The following SCRN1 variants were observed in gnomAD, a reference collection of about 807,000 sequenced individuals.
SCRN1 encodes the protein secernin-1.
SCRN1 carries 19 observed loss-of-function variants against 43.3 expected under a neutral mutation model. That is an observed-to-expected ratio of 0.44 (90% CI 0.31 to 0.64). The LOEUF (loss-of-function observed/expected upper bound fraction) is 0.64. SCRN1 is among the 30% of genes least tolerant of loss of function. The pLI is 0.09. For missense variants in SCRN1, 447 were observed against 524.1 expected, an observed-to-expected ratio of 0.85 and a Z score of 1.44; for synonymous variants, 183 against 188.9, an observed-to-expected ratio of 0.97 and a Z score of 0.26.
At chr7:29,959,286 C>T (rs529337455) in intron 2 of SCRN1, among the ~76,000 whole-genome samples, 41 of 152,242 alleles carry the variant, frequency 2.7e-4, no homozygotes, top group Admixed American at 2.0e-3. Context: ...AAACTTCTTA[C>T]GGTGGGAGAA....
At position 29,921,330 on chromosome 7, in the gene SCRN1, T is replaced by C. The variant is rs1786749666; in HGVS notation, c.*2627A>G. 1 of 152,408 alleles carries C rather than the reference T, an allele frequency of 6.6e-6. No individual in the cohort carries two copies. The highest frequency in any genetic ancestry group is 2.1e-4 in the South Asian group (1 of 4,836). 9.4% of individuals were successfully genotyped at this position (152,408 alleles called of 1,614,324 possible). Reference sequence around the variant, plus strand: ...AAAGCAATCCCTGGTCCACAAATTATTCATGTAACAAGCATTTTTCAAAAG... The same window carrying C: ...AAAGCAATCCCTGGTCCACAAATTACTCATGTAACAAGCATTTTTCAAAAG... On this transcript the variant is annotated 3_prime_UTR_variant, in exon 8 of 8. Transcript: ENST00000242059.
intron 1 of SCRN1, among the ~76,000 whole-genome samples, chr7:29,983,588 C>T (rs1449304868): frequency 6.6e-6 from 1 of 152,086 alleles, no homozygotes; most frequent in African/African-American, 2.4e-5. Flanking sequence ...GTCAATATGA[C>T]AGCTATCAAC....
Position 29,951,909 on chromosome 7 carries a change from A to T in SCRN1, c.341+3270T>A, listed in dbSNP as rs75937750. Among the ~76,000 whole-genome samples, 694 of 152,360 alleles carry T rather than the reference A, an allele frequency of 4.6e-3. 4 individuals carry two copies. The highest frequency in any genetic ancestry group is 0.016 in the African/African-American group (656 of 41,582). ...GAAAGTGCAAAGTACCAGGATAAGT[A>T]TAGGGGCAACTACTGTATTCATTGA... On this transcript the variant is annotated intron_variant, in intron 3 of 7. Transcript: ENST00000242059.
intron 4 of SCRN1, among the ~76,000 whole-genome samples, chr7:29,943,645 C>A (rs564222287): frequency 6.6e-6 from 1 of 152,140 alleles, no homozygotes; most frequent in Non-Finnish European, 1.5e-5. Context: ...ACTTGTTGAC[C>A]TATTACACAA....
Position 29,920,742 on chromosome 7 carries a change from C to G in SCRN1, c.*3215G>C, listed in dbSNP as rs572237095. 3 of 152,164 alleles carry G rather than the reference C, an allele frequency of 2.0e-5. No homozygotes were observed. The highest frequency in any genetic ancestry group is 4.4e-5 in the Non-Finnish European group (3 of 68,038). The allele number at this position is 152,164 out of a possible 1,614,324, so 9.4% of individuals were successfully genotyped here. On this transcript the variant is annotated 3_prime_UTR_variant, in exon 8 of 8. Transcript: ENST00000242059. ...ACCCAGTACTGAATAACACCTGTAC[C>G]AATGTGGGATGACATCAGCTAGGAA...
chr7:29,987,501 T>C (rs937343539), intron 1 of SCRN1, among the ~76,000 whole-genome samples: 2 of 152,262 alleles, frequency 1.3e-5, no homozygotes, highest in Middle Eastern at 3.2e-3. Flanking sequence ...AAAAATGTAC[T>C]TCTTGCCTCA....
At position 29,944,134 on chromosome 7, in the gene SCRN1, G is replaced by A. The variant is rs1207364802; in HGVS notation, c.387C>T (p.Val129=). The change falls in exon 4 of 8, where the codon GTC becomes GTT. Residue 129 remains valine (V), a synonymous_variant. Coordinates refer to ENST00000242059, the MANE Select transcript of SCRN1 (RefSeq NM_014766.5). ...RGETAKEALD[V]IVSLLEEHGQ... ...CATGTTCTTCCAACAAGGAGACAAT[G>A]ACATCTAAGGCTTCTTTAGCTGTTT... 6.2e-7 allele frequency: 1 copy of A among 1,614,096 alleles called. No individual in the cohort carries two copies. The highest frequency in any genetic ancestry group is 8.5e-7 in the Non-Finnish European group (1 of 1,180,038).
At chr7:29,929,097 G>A (rs919929434) in intron 6 of SCRN1, among the ~76,000 whole-genome samples, 5 of 152,138 alleles carry the variant, frequency 3.3e-5, no homozygotes, top group Non-Finnish European at 7.4e-5. Context: ...GACAGCACTC[G>A]GGGTTTCCTG....
upstream of SCRN1, chr7:29,990,214 G>C (rs1789329097): frequency 6.4e-7 from 1 of 1,551,522 alleles, no homozygotes; most frequent in African/African-American, 1.4e-5. Context: ...TCGAGTCCCT[G>C]GTTTTAAAAG....
intron 3 of SCRN1, among the ~76,000 whole-genome samples, chr7:29,948,544 T>C (rs1283083008): frequency 6.6e-6 from 1 of 152,258 alleles, no homozygotes; most frequent in Non-Finnish European, 1.5e-5. Context: ...CAAGGACTTT[T>C]GTGATTTTTA....
chr7:29,968,840 T>C, intron 2 of SCRN1, 69 bp downstream of exon 2: 6 of 1,578,834 alleles, frequency 3.8e-6, no homozygotes, highest in Non-Finnish European at 5.2e-6. Flanking sequence ...AGCAAGAAGT[T>C]AGGGTTGTGC....
In SCRN1 at chr7:29,983,173, T is replaced by C. The variant is rs185014977; in HGVS notation, c.-2+6469A>G. Among the ~76,000 whole-genome samples the C allele has an allele frequency of 1.2e-3, 182 of 152,024 alleles. 1 individual carries two copies. Among genetic ancestry groups the C allele is most frequent in the African/African-American group, 4.2e-3 (176 of 41,458 alleles). On this transcript the variant is annotated intron_variant, in intron 1 of 7. Coordinates refer to ENST00000242059, the MANE Select transcript of SCRN1 (RefSeq NM_014766.5). ...TCTTCTTTGGTGTGAGCTTTTTTTT[T>C]AAGTTCATCATTAGAGTTCTATAGT...
At chr7:29,959,979 AGGAAGAAAG>A (rs1183454144) in intron 2 of SCRN1, among the ~76,000 whole-genome samples, 5 of 121,986 alleles carry the variant, frequency 4.1e-5, no homozygotes, top group Non-Finnish European at 8.3e-5. Context: ...GAGGGAGGGA[AGGAAGAAAG>A]GAAGGAAAGG....
At chr7:29,953,317 C>T (rs1170523784) in intron 3 of SCRN1, among the ~76,000 whole-genome samples, 1 of 152,160 alleles carries the variant, frequency 6.6e-6, no homozygotes, top group African/African-American at 2.4e-5. Context: ...GCTTCATGTA[C>T]CCACAGAGTC....
At chr7:29,981,239 A>G (rs986557130) in intron 1 of SCRN1, among the ~76,000 whole-genome samples, 12 of 152,146 alleles carry the variant, frequency 7.9e-5, no homozygotes, top group African/African-American at 2.9e-4. Flanking sequence ...AAAGATACTC[A>G]GGAAAGCTTT....
Position 29,941,262 on chromosome 7 carries a change from G to A in SCRN1, c.545-386C>T, listed in dbSNP as rs551302286. ...TAACAAGACTTAGCAATCCACAAGG[G>A]AGTCCTCTATAATAGAGATGCTGTT... On this transcript the variant is annotated intron_variant, in intron 4 of 7. Transcript: ENST00000242059. Among the ~76,000 whole-genome samples the A allele has an allele frequency of 2.0e-5, 3 of 152,266 alleles. No individual in the cohort carries two copies. The East Asian group carries it at 5.8e-4, about 29-fold the overall frequency.
chr7:29,925,317 C>T (rs1342240017), intron 7 of SCRN1, among the ~76,000 whole-genome samples: 1 of 152,188 alleles, frequency 6.6e-6, no homozygotes, highest in African/African-American at 2.4e-5. Flanking sequence ...TTTCTGAATT[C>T]ATCTGGATTT....
rs1225623032 is a variant in SCRN1, at chr7:29,922,119, G to C, written c.*1838C>G. 6.6e-6 allele frequency: 1 copy of C among 152,120 alleles called. No homozygotes were observed. Among genetic ancestry groups the C allele is most frequent in the Non-Finnish European group, 1.5e-5 (1 of 68,034 alleles). 9.4% of individuals were successfully genotyped at this position (152,120 alleles called of 1,614,324 possible). ...AAAGGACACTCTAAATTCACCAACA[G>C]TGAAAGCCCAGGCCAAACCTGCGTG... On this transcript the variant is annotated 3_prime_UTR_variant, in exon 8 of 8. Coordinates refer to ENST00000242059, the MANE Select transcript of SCRN1 (RefSeq NM_014766.5).
At chr7:29,957,262 G>A (rs1190865829) in intron 2 of SCRN1, among the ~76,000 whole-genome samples, 2 of 152,234 alleles carry the variant, frequency 1.3e-5, no homozygotes, top group Non-Finnish European at 2.9e-5. Flanking sequence ...GGAGGCCCAG[G>A]CCCTGTCCTT....
Sources: allele counts gnomAD v4.1 joint callset (sites outside exome capture counted in the v4.1 genomes callset), GRCh38; gene constraint gnomAD v4.1.1; transcripts MANE v1.5; gene names NCBI Gene and HGNC (gene_info 2026-07-23, HGNC 2026-07-21).